DGLUCY: variants seen among roughly 807,000 people sequenced by gnomAD.
DGLUCY encodes D-glutamate cyclase, mitochondrial.
DGLUCY carries 58 observed loss-of-function variants against 58.5 expected under a neutral mutation model. That is an observed-to-expected ratio of 0.99 (90% CI 0.80 to 1.23). DGLUCY has a LOEUF of 1.23. Ranked by LOEUF, DGLUCY falls within the 50% of genes most tolerant of loss-of-function variation. DGLUCY has a pLI of 0.00. For synonymous variants in DGLUCY, 325 were observed against 314.1 expected, an observed-to-expected ratio of 1.03 and a Z score of -0.37; for missense variants, 779 against 784.7, an observed-to-expected ratio of 0.99 and a Z score of 0.09.
intron 1 of DGLUCY, among the ~76,000 whole-genome samples, chr14:91,073,609 G>A (rs757286529): frequency 3.3e-5 from 5 of 152,018 alleles, no homozygotes; most frequent in East Asian, 3.9e-4. Context: ...GTGAGCCACC[G>A]CTCCTGGCTG....
At chr14:91,195,676 T>TG (rs939422738) in intron 9 of DGLUCY, among the ~76,000 whole-genome samples, 4 of 148,406 alleles carry the variant, frequency 2.7e-5, no homozygotes, top group African/African-American at 9.9e-5. Context: ...TTTTGTTTTT[T>TG]TTTTTTTTTT....
intron 1 of DGLUCY, among the ~76,000 whole-genome samples, chr14:91,073,817 C>T (rs930110393): frequency 4.6e-5 from 7 of 151,838 alleles, no homozygotes; most frequent in African/African-American, 1.5e-4. Flanking sequence ...CCCAGGAGTT[C>T]GAGGCTGCAG....
At chr14:91,074,796 GA>G (rs1037427849) in intron 1 of DGLUCY, among the ~76,000 whole-genome samples, 6 of 152,084 alleles carry the variant, frequency 3.9e-5, no homozygotes, top group African/African-American at 1.2e-4. Flanking sequence ...TTCTTGGCTG[GA>G]CATGGTGGCT....
At chr14:91,166,772 C>A (rs943058757) in intron 3 of DGLUCY, among the ~76,000 whole-genome samples, 7 of 151,972 alleles carry the variant, frequency 4.6e-5, no homozygotes, top group Admixed American at 1.3e-4. Flanking sequence ...GAATTCAAGG[C>A]CAGCCTGGAA....
chr14:91,148,116 G>A (rs929045138), intron 1 of DGLUCY, among the ~76,000 whole-genome samples: 1 of 152,196 alleles, frequency 6.6e-6, no homozygotes, highest in African/African-American at 2.4e-5. Flanking sequence ...GGAGGTTACA[G>A]TGAGCCAAGA....
In DGLUCY at chr14:91,213,534, A is replaced by G. The variant is rs10136853; in HGVS notation, c.1565-1871A>G. On this transcript the variant is annotated intron_variant, in intron 12 of 13. Coordinates refer to ENST00000256324, the MANE Select transcript of DGLUCY (RefSeq NM_001102368.3). ...CAATTGTAACTGTAAGATACTATTA[A>G]TTATAAGATACATCTCAATTTCAGA... Among the ~76,000 whole-genome samples the G allele has an allele frequency of 8.1e-3, 1,234 of 152,324 alleles. 16 individuals carry two copies. Among genetic ancestry groups the G allele is most frequent in the African/African-American group, 0.028 (1,152 of 41,584 alleles).
At chr14:91,101,766 T>C (rs2044490889) in intron 1 of DGLUCY, among the ~76,000 whole-genome samples, 1 of 152,222 alleles carries the variant, frequency 6.6e-6, no homozygotes, top group Non-Finnish European at 1.5e-5. Context: ...TGGAATGCAG[T>C]GGCATGATCA....
chr14:91,149,458 CT>C (rs1566967219), intron 1 of DGLUCY, among the ~76,000 whole-genome samples: 1 of 152,110 alleles, frequency 6.6e-6, no homozygotes, highest in Admixed American at 6.6e-5. Flanking sequence ...CTGAAGTAGG[CT>C]TGTGGGTCAG....
rs145176315 is a variant in DGLUCY, at chr14:91,188,916, G to A, written c.941G>A (p.Arg314Gln). 357 of 1,612,638 alleles carry A rather than the reference G, an allele frequency of 2.2e-4. No individual in the cohort carries two copies. The highest frequency in any genetic ancestry group is 3.2e-4 in the South Asian group (29 of 90,710). The change falls in exon 9 of 14, where the codon CGG becomes CAG. Residue 314 changes from arginine (R) to glutamine (Q), a missense_variant. By Grantham distance (43) the Arg-to-Gln change is conservative. Coordinates refer to ENST00000256324, the MANE Select transcript of DGLUCY (RefSeq NM_001102368.3). ...ESMIGIDPGN[R>Q]GIGHLLCKDE... Reference sequence around the variant, plus strand: ...TCTATTTTTGTCATTTCAGGGAACCGGGGGATTGGGCACCTGCTCTGTAAA... The same window carrying A: ...TCTATTTTTGTCATTTCAGGGAACCAGGGGATTGGGCACCTGCTCTGTAAA...
In DGLUCY at chr14:91,163,437, G is replaced by A. The variant is rs116358225; in HGVS notation, c.103+3040G>A. 2.8e-3 allele frequency among the ~76,000 whole-genome samples: 425 copies of A among 152,238 alleles called. 5 individuals carry two copies. Among genetic ancestry groups the A allele is most frequent in the African/African-American group, 9.7e-3 (402 of 41,540 alleles). ...CTGGCATCAGGTTCCTTGGGCTTTC[G>A]GCAGCTGGGGGTGTCTCACGTGTCC... On this transcript the variant is annotated intron_variant, in intron 3 of 13. Transcript: ENST00000256324.
chr14:91,172,047 T>C (rs1284689008), intron 5 of DGLUCY, among the ~76,000 whole-genome samples: 2 of 152,116 alleles, frequency 1.3e-5, no homozygotes, highest in East Asian at 3.8e-4. Flanking sequence ...CCTTCTTCCC[T>C]CCCTCCCTTC....
chr14:91,151,767 GTC>G (rs2047354113), intron 1 of DGLUCY, among the ~76,000 whole-genome samples: 1 of 150,984 alleles, frequency 6.6e-6, no homozygotes, highest in African/African-American at 2.4e-5. Flanking sequence ...AGATTCTCCT[GTC>G]TCAGCCTCCT....
intron 6 of DGLUCY, among the ~76,000 whole-genome samples, chr14:91,175,196 C>A (rs918406487): frequency 1.3e-5 from 2 of 151,944 alleles, no homozygotes; most frequent in African/African-American, 2.4e-5. Flanking sequence ...TTAATTTGAG[C>A]TGAAATCCAT....
intron 7 of DGLUCY, among the ~76,000 whole-genome samples, chr14:91,179,058 C>T (rs188431916): frequency 3.6e-4 from 55 of 151,984 alleles, no homozygotes. Flanking sequence ...TCTGTGAAAT[C>T]CAAGATTTAT....
chr14:91,219,746 A>G (rs1162209933), intron 13 of DGLUCY, among the ~76,000 whole-genome samples: 2 of 152,324 alleles, frequency 1.3e-5, no homozygotes, highest in Middle Eastern at 3.4e-3. Context: ...GAGGGCAAGC[A>G]TTCCTAAGAC....
At chr14:91,150,785 T>G (rs907243827) in intron 1 of DGLUCY, among the ~76,000 whole-genome samples, 23 of 152,220 alleles carry the variant, frequency 1.5e-4, no homozygotes, top group African/African-American at 5.3e-4. Flanking sequence ...TTTAAAATTT[T>G]TATTATGGTT....
chr14:91,086,243 A>G (rs1272204113), intron 1 of DGLUCY, among the ~76,000 whole-genome samples: 2 of 152,166 alleles, frequency 1.3e-5, no homozygotes, highest in African/African-American at 2.4e-5. Context: ...TCATTTCATT[A>G]TATATTACAA....
chr14:91,213,989 C>T (rs1424815565), intron 12 of DGLUCY, among the ~76,000 whole-genome samples: 2 of 151,948 alleles, frequency 1.3e-5, no homozygotes, highest in East Asian at 1.9e-4. Flanking sequence ...CTTGAGCCAC[C>T]GTGCCCGGCC....
intron 10 of DGLUCY, among the ~76,000 whole-genome samples, chr14:91,197,897 C>T (rs11851705): frequency 0.011 from 1,692 of 152,266 alleles, 38 homozygotes; most frequent in African/African-American, 0.039. Flanking sequence ...TTCTCCTGGA[C>T]ATACACATAG....
Sources: gnomAD v4.1 joint callset for allele counts (sites outside exome capture counted in the v4.1 genomes callset) on GRCh38, gnomAD v4.1.1 for gene constraint, MANE v1.5 for transcripts, NCBI Gene and HGNC (gene_info 2026-07-23, HGNC 2026-07-21) for gene names.